Variants in GINS3 observed in about 807,000 individuals in gnomAD.
GINS3 encodes GINS complex subunit 3.
A neutral mutation model predicts 20.0 loss-of-function variants in GINS3; 18 were observed. The ratio of observed to expected loss-of-function variants is 0.90; its 90% confidence interval spans 0.62 to 1.33. The LOEUF (loss-of-function observed/expected upper bound fraction) is 1.33. GINS3 is among the 40% of genes most tolerant of loss of function. The probability of loss-of-function intolerance (pLI) is 0.00; values close to 1 mark genes in which losing one functional copy is unlikely to be tolerated. For missense variants in GINS3, 254 were observed against 273.6 expected, an observed-to-expected ratio of 0.93 and a Z score of 0.51; for synonymous variants, 109 against 107.0, an observed-to-expected ratio of 1.02 and a Z score of -0.12.
chr16:58,402,796 C>T, intron 1 of GINS3: 1 of 430,606 alleles, frequency 2.3e-6, no homozygotes, highest in Non-Finnish European at 4.2e-6. Flanking sequence ...TTTACTATAG[C>T]TCTGAAGTGT....
At chr16:58,402,734 C>T (rs892257447) in intron 1 of GINS3, among the ~76,000 whole-genome samples, 5 of 151,942 alleles carry the variant, frequency 3.3e-5, no homozygotes, top group Non-Finnish European at 5.9e-5. Context: ...AGCAGGCACT[C>T]GGCAAGTGGA....
chr16:58,404,688 C>G lies in GINS3; in HGVS notation c.610C>G (p.Gln204Glu), dbSNP rs1384959854. ...ASQITASNLV[Q>E]NYKKRKFTDM... The stretch of plus-strand genomic sequence containing the variant: ...TCAGATCACAGCTTCCAACCTCGTT[C>G]AGAATTACAAGAAGAGAAAATTCAC... The change falls in exon 3 of 3, where the codon CAG becomes GAG. Residue 204 changes from glutamine (Q) to glutamate (E), a missense_variant. By Grantham distance (29) the Gln-to-Glu change is conservative (BLOSUM62 2). Transcript: ENST00000318129. 1.2e-6 allele frequency: 2 copies of G among 1,614,062 alleles called. No homozygotes were observed. The highest frequency in any genetic ancestry group is 4.5e-5 in the East Asian group (2 of 44,880).
intron 1 of GINS3, chr16:58,393,717 C>T (rs1415822906): frequency 6.6e-6 from 1 of 151,866 alleles, no homozygotes; most frequent in African/African-American, 2.4e-5. Flanking sequence ...GTAATCTCAG[C>T]TACTCTGGAG....
intron 1 of GINS3, among the ~76,000 whole-genome samples, chr16:58,402,337 C>T (rs867661638): frequency 6.6e-6 from 1 of 152,114 alleles, no homozygotes; most frequent in African/African-American, 2.4e-5. Flanking sequence ...AGATCTTAGG[C>T]CCTCATGTCC....
chr16:58,402,320 C>T (rs1965967674), intron 1 of GINS3, among the ~76,000 whole-genome samples: 1 of 152,176 alleles, frequency 6.6e-6, no homozygotes, highest in African/African-American at 2.4e-5. Flanking sequence ...TCCCTCCCTT[C>T]TTTCTCAGAT....
chr16:58,396,976 G>A (rs1229383098), intron 1 of GINS3, among the ~76,000 whole-genome samples: 1 of 139,966 alleles, frequency 7.1e-6, no homozygotes, highest in African/African-American at 2.7e-5. Flanking sequence ...GGGCAGAGGC[G>A]CCCCTCACCT....
At chr16:58,396,027 A>G (rs1266097847) in intron 1 of GINS3, among the ~76,000 whole-genome samples, 2 of 144,360 alleles carry the variant, frequency 1.4e-5, no homozygotes, top group African/African-American at 5.3e-5. Flanking sequence ...ACTTTCCAGT[A>G]GGGGCGGCCG....
At chr16:58,395,861 G>A (rs896232038) in intron 1 of GINS3, among the ~76,000 whole-genome samples, 3 of 152,212 alleles carry the variant, frequency 2.0e-5, no homozygotes, top group African/African-American at 4.8e-5. Context: ...CCTCCCAGAC[G>A]GGGTGGTGGC....
intron 1 of GINS3, among the ~76,000 whole-genome samples, chr16:58,401,022 T>G (rs758904860): frequency 1.1e-4 from 16 of 151,932 alleles, no homozygotes; most frequent in Non-Finnish European, 2.1e-4. Context: ...ACCATGTTGG[T>G]CAGGCCCGTC....
intron 1 of GINS3, among the ~76,000 whole-genome samples, chr16:58,397,979 T>C (rs901976914): frequency 2.6e-5 from 4 of 152,242 alleles, no homozygotes; most frequent in Non-Finnish European, 4.4e-5. Flanking sequence ...GTTCTCCCTT[T>C]CTTGATTACC....
At chr16:58,394,940 CCTT>C (rs1307451054) in intron 1 of GINS3, among the ~76,000 whole-genome samples, 2 of 152,124 alleles carry the variant, frequency 1.3e-5, no homozygotes, top group African/African-American at 4.8e-5. Context: ...TCTTTAGAAT[CCTT>C]CTGCATGGGA....
In GINS3 at chr16:58,392,571, G is replaced by T. The variant is rs375975025; in HGVS notation, c.-31G>T. The T allele has an allele frequency of 6.2e-7, 1 of 1,610,064 alleles. No homozygotes were observed. The highest frequency in any genetic ancestry group is 8.5e-7 in the Non-Finnish European group (1 of 1,177,150). On this transcript the variant is annotated 5_prime_UTR_variant, in exon 1 of 3. Transcript: ENST00000318129. Reference sequence around the variant, plus strand: ...CTCCTGAGGCTCCTCCGAATCACGCGAGTGGAAGCGGAGAAGCTCAAGTGG... The same window carrying T: ...CTCCTGAGGCTCCTCCGAATCACGCTAGTGGAAGCGGAGAAGCTCAAGTGG...
At chr16:58,395,076 ATTT>A (rs56933339) in intron 1 of GINS3, 4,705 of 450,804 alleles carry the variant, frequency 0.01, 7 homozygotes, top group South Asian at 0.022. Flanking sequence ...ATTTTATCTA[ATTT>A]TTTTTTTTTT....
At chr16:58,402,339 C>T (rs188479235) in intron 1 of GINS3, among the ~76,000 whole-genome samples, 6 of 152,256 alleles carry the variant, frequency 3.9e-5, no homozygotes, top group Admixed American at 3.3e-4. Context: ...ATCTTAGGCC[C>T]TCATGTCCTG....
chr16:58,403,461 A>T, intron 2 of GINS3, 130 bp downstream of exon 2: 1 of 648,220 alleles, frequency 1.5e-6, no homozygotes, highest in Non-Finnish European at 2.7e-6. Context: ...GCCTACAGTT[A>T]CACTGTCTGT....
chr16:58,400,230 G>C (rs1307096618), intron 1 of GINS3, among the ~76,000 whole-genome samples: 2 of 152,236 alleles, frequency 1.3e-5, no homozygotes, highest in African/African-American at 2.4e-5. Context: ...AAAATTAGCA[G>C]AGGGAAAGGT....
intron 1 of GINS3, among the ~76,000 whole-genome samples, chr16:58,398,547 C>G (rs993388765): frequency 2.0e-5 from 3 of 152,130 alleles, no homozygotes; most frequent in Admixed American, 2.0e-4. Flanking sequence ...AGGGTCAGTA[C>G]TGCAGTGAGC....
intron 1 of GINS3, among the ~76,000 whole-genome samples, chr16:58,396,838 C>T (rs1392545030): frequency 8.8e-5 from 11 of 125,612 alleles, no homozygotes; most frequent in African/African-American, 2.2e-4. Context: ...TAGGGGCGGC[C>T]GGGCAGAGGC....
intron 1 of GINS3, among the ~76,000 whole-genome samples, chr16:58,396,871 C>A (rs868146598): frequency 2.5e-4 from 34 of 138,756 alleles, no homozygotes; most frequent in East Asian, 4.6e-4. Flanking sequence ...CCGGACGGGG[C>A]GGCTGGCCGG....
Sources: gnomAD v4.1 joint callset for allele counts (sites outside exome capture counted in the v4.1 genomes callset) on GRCh38, gnomAD v4.1.1 for gene constraint, MANE v1.5 for transcripts, NCBI Gene and HGNC (gene_info 2026-07-23, HGNC 2026-07-21) for gene names.